Variants in HRC observed in about 807,000 individuals in gnomAD.
The protein encoded by HRC is histidine rich calcium binding protein.
In HRC, 41 loss-of-function variants were observed where a neutral mutation model predicts 61.4. The ratio of observed to expected loss-of-function variants is 0.67; its 90% CI spans 0.52 to 0.87. HRC has a LOEUF of 0.87. HRC is among the 40% of genes least tolerant of loss of function. The pLI is 0.00. For synonymous variants in HRC, 308 were observed against 326.6 expected, an observed-to-expected ratio of 0.94 and a Z score of 0.62; for missense variants, 839 against 885.8, an observed-to-expected ratio of 0.95 and a Z score of 0.67.
intron 4 of HRC, 176 bp downstream of exon 4, chr19:49,151,828 A>G: frequency 1.5e-6 from 1 of 678,992 alleles, no homozygotes; most frequent in Non-Finnish European, 2.6e-6. Context: ...GGCTCCAGCA[A>G]CTCCACCTGG....
Position 49,154,624 on chromosome 19 carries a change from G to C in HRC, c.614C>G (p.Ala205Gly). ...GGCCTGGTGTCCATACTCAGTGGAG[G>C]CCTCCTCTTCCTCCTCCTCCTCCTC... ...EEEEEEEEEE[A>G]STEYGHQAHR... The change falls in exon 1 of 6, where the codon GCC becomes GGC. Residue 205 changes from alanine to glycine, a missense_variant. Coordinates refer to ENST00000252825, the MANE Select transcript of HRC (RefSeq NM_002152.3). 1.3e-6 allele frequency: 2 copies of C among 1,594,452 alleles called. No homozygotes were observed. The highest frequency in any genetic ancestry group is 1.1e-5 in the South Asian group (1 of 89,780).
In HRC at chr19:49,154,308, G is replaced by T. The variant is rs200762319; in HGVS notation, c.930C>A (p.Val310=). ...HEEDDNDDDD[V]STEYGHQAHR... is the part of the protein sequence containing the mutation. ...GGGCCTGGTGTCCATACTCAGTGGA[G>T]ACATCATCATCATCATTGTCATCTT... The change falls in exon 1 of 6, where the codon GTC becomes GTA. Residue 310 remains valine (V), a synonymous_variant. Transcript: ENST00000252825. 3.1e-6 allele frequency: 5 copies of T among 1,613,222 alleles called. No individual in the cohort carries two copies. Among genetic ancestry groups the T allele is most frequent in the Non-Finnish European group, 4.2e-6 (5 of 1,179,734 alleles).
Position 49,154,126 on chromosome 19 carries a change from T to C in HRC, c.1112A>G (p.His371Arg). 1 of 1,614,180 alleles carries C rather than the reference T, an allele frequency of 6.2e-7. No homozygotes were observed. Among genetic ancestry groups the C allele is most frequent in the Non-Finnish European group, 8.5e-7 (1 of 1,180,028 alleles). The change falls in exon 1 of 6, where the codon CAT becomes CGT. Residue 371 changes from histidine (H) to arginine (R), a missense_variant. By Grantham distance (29) the His-to-Arg change is conservative (BLOSUM62 0). Transcript: ENST00000252825. The stretch of plus-strand genomic sequence containing the variant: ...TTCCTCTTCCTCATCTACAAGGCCA[T>C]GGTGGACATGTTGGGGACCCTGGTG... ...RWHQGPQHVH[H>R]GLVDEEEEEE...
chr19:49,155,024 T>C lies in HRC; in HGVS notation c.214A>G (p.Lys72Glu). The part of the protein sequence containing the change: ...HSPRDHPDEN[K>E]DVSTENGHHF... ...TGCCCATTCTCTGTGGAAACATCCT[T>C]GTTCTCATCTGGATGGTCTCTAGGG... is the stretch of plus-strand genomic sequence containing the variant. The change falls in exon 1 of 6, where the codon AAG becomes GAG. Residue 72 changes from lysine to glutamate, a missense_variant. Transcript: ENST00000252825. This position sits in a 1 kb window ranked among gnomAD's most constrained non-coding sequence, Gnocchi z 4.7. The C allele has an allele frequency of 6.2e-7, 1 of 1,614,186 alleles. No individual in the cohort carries two copies. Among genetic ancestry groups the C allele is most frequent in the South Asian group, 1.1e-5 (1 of 91,082 alleles).
At chr19:49,151,636 G>A in intron 4 of HRC, 83 bp from the exon 5 acceptor site, 2 of 1,202,012 alleles carry the variant, frequency 1.7e-6, no homozygotes, top group South Asian at 1.3e-5. Context: ...TGCGAGATTA[G>A]TGCTAGCTCC....
In HRC at chr19:49,152,371, G is replaced by A; in HGVS notation, c.1910C>T (p.Thr637Ile). The part of the protein sequence containing the change: ...CGYCSFCNRC[T>I]ECESCHCDEE... ...ATCACAGTGACAGCTCTCACATTCA[G>A]TGCATCGCTGGGGACCGGGGGAGCC... The change falls in exon 3 of 6, where the codon ACT (threonine) becomes ATT (isoleucine). Residue 637 changes from threonine to isoleucine, a missense_variant. By Grantham distance (89) the Thr-to-Ile change is moderately conservative. Coordinates refer to ENST00000252825, the MANE Select transcript of HRC (RefSeq NM_002152.3). 3 of 1,613,556 alleles carry A rather than the reference G, an allele frequency of 1.9e-6. No homozygotes were observed. Among genetic ancestry groups the A allele is most frequent in the Non-Finnish European group, 2.5e-6 (3 of 1,179,880 alleles).
Position 49,151,272 on chromosome 19 carries a change from C to A in HRC, c.*24G>T, listed in dbSNP as rs773970441. The A allele has an allele frequency of 5.2e-6, 8 of 1,541,824 alleles. No homozygotes were observed. Among genetic ancestry groups the A allele is most frequent in the Middle Eastern group, 1.7e-4 (1 of 5,946 alleles). ...GGTTGGAAGGCAGGGGGAGGTACAC[C>A]TGCGTCGCAGTCGAGCGACTGGGTC... On this transcript the variant is annotated 3_prime_UTR_variant, in exon 6 of 6. Coordinates refer to ENST00000252825, the MANE Select transcript of HRC (RefSeq NM_002152.3).
intron 4 of HRC, 189 bp downstream of exon 4, chr19:49,151,815 C>T (rs2041362233): frequency 1.5e-6 from 1 of 666,222 alleles, no homozygotes; most frequent in East Asian, 2.7e-5. Flanking sequence ...ATTTCTGTCC[C>T]TTGGCTCCAG....
rs1600364061 is a variant in HRC, at chr19:49,153,397, G to A, written c.1831+10C>T. 1 of 1,613,686 alleles carries A rather than the reference G, an allele frequency of 6.2e-7. No individual in the cohort carries two copies. Among genetic ancestry groups the A allele is most frequent in the Non-Finnish European group, 8.5e-7 (1 of 1,179,680 alleles). On this transcript the variant is annotated intron_variant, in intron 1 of 5. Coordinates refer to ENST00000252825, the MANE Select transcript of HRC (RefSeq NM_002152.3). This position sits in a 1 kb window ranked among gnomAD's most constrained non-coding sequence, Gnocchi z 4.8. ...GTTCCTTCCCACCCACACCAGCCCA[G>A]GCCACTTACCTGTGTCCTCACCGCT...
chr19:49,154,698 A>G lies in HRC; in HGVS notation c.540T>C (p.His180=), dbSNP rs1386078221. 1 of 1,613,546 alleles carries G rather than the reference A, an allele frequency of 6.2e-7. No homozygotes were observed. Among genetic ancestry groups the G allele is most frequent in the Admixed American group, 1.7e-5 (1 of 59,986 alleles). ...SSEHHHHILR[H]GHRGHDGEDD... ...CTTCCCCATCATGGCCTCGGTGTCC[A>G]TGCCTGAGGATATGATGGTGATGCT... Residue 180 remains histidine (H), a synonymous_variant, in exon 1 of 6, where the codon CAT becomes CAC. Coordinates refer to ENST00000252825, the MANE Select transcript of HRC (RefSeq NM_002152.3).
rs778194640 is a variant in HRC, at chr19:49,154,899, G to A, written c.339C>T (p.Val113=). The change falls in exon 1 of 6, where the codon GTC becomes GTT. Residue 113 remains valine (V), a synonymous_variant. Transcript: ENST00000252825. ...LPGHRSQDHK[V]GDEGVSGEEV... ...CCTCACCTGAGACACCCTCATCTCC[G>A]ACTTTGTGGTCTTGGGACCTGTGGC... 23 of 1,613,972 alleles carry A rather than the reference G, an allele frequency of 1.4e-5. No homozygotes were observed. In the Middle Eastern group the frequency reaches 8.2e-4, roughly 58 times the overall value.
In HRC at chr19:49,151,987, G is replaced by A; in HGVS notation, c.2026+17C>T. On this transcript the variant is annotated intron_variant, in intron 4 of 5. Transcript: ENST00000252825. ...GGCACCTTCCTCAGGTTTTTCCAGG[G>A]CCCCGCCCATGCTCACCTGGAGCGC... is the stretch of plus-strand genomic sequence containing the variant. The A allele has an allele frequency of 6.2e-7, 1 of 1,613,414 alleles. No individual in the cohort carries two copies. Among genetic ancestry groups the A allele is most frequent in the African/African-American group, 1.3e-5 (1 of 75,060 alleles).
Position 49,153,409 on chromosome 19 carries a change from G to C in HRC, c.1829C>G (p.Thr610Arg), listed in dbSNP as rs1281111137. The C allele has an allele frequency of 6.2e-7, 1 of 1,613,230 alleles. No individual in the cohort carries two copies. The highest frequency in any genetic ancestry group is 8.5e-7 in the Non-Finnish European group (1 of 1,179,372). ...ASSEEESGED[T>R]GPQDAQEYGN... is the part of the protein sequence containing the mutation. ...CCACACCAGCCCAGGCCACTTACCT[G>C]TGTCCTCACCGCTTTCCTCCTCGCT... The change falls in exon 1 of 6, where the codon ACA becomes AGA. Residue 610 changes from threonine to arginine, a missense_variant and splice_region_variant. Coordinates refer to ENST00000252825, the MANE Select transcript of HRC (RefSeq NM_002152.3). This position sits in a 1 kb window ranked among gnomAD's most constrained non-coding sequence, Gnocchi z 4.8.
In HRC at chr19:49,151,545, C is replaced by T; in HGVS notation, c.2035G>A (p.Val679Ile). 2 of 1,613,762 alleles carry T rather than the reference C, an allele frequency of 1.2e-6. No homozygotes were observed. The highest frequency in any genetic ancestry group is 1.7e-4 in the Middle Eastern group (1 of 5,744). ...CETVCAPGSYVDYFSSSLYQA... is the reference protein window; with the variant it reads ...CETVCAPGSYIDYFSSSLYQA... Reference sequence around the variant, plus strand: ...TAAAGGGACGAGGAGAAATAGTCAACGTAGCTTCCTGTGGGACAGCAGAGA... The same window carrying T: ...TAAAGGGACGAGGAGAAATAGTCAATGTAGCTTCCTGTGGGACAGCAGAGA... The change falls in exon 5 of 6, where the codon GTT (valine) becomes ATT (isoleucine). Residue 679 changes from valine to isoleucine, a missense_variant. Transcript: ENST00000252825.
rs1192633514 is a variant in HRC, at chr19:49,154,151, G to A, written c.1087C>T (p.His363Tyr). ...EDEDVSTERW[H>Y]QGPQHVHHGL... ...TGGTGGACATGTTGGGGACCCTGGT[G>A]CCAACGTTCAGTGGACACATCCTCA... is the stretch of plus-strand genomic sequence containing the variant. Residue 363 changes from histidine to tyrosine, a missense_variant, in exon 1 of 6, where the codon CAC (histidine) becomes TAC (tyrosine). By Grantham distance (83) the His-to-Tyr change is moderately conservative (BLOSUM62 2). Coordinates refer to ENST00000252825, the MANE Select transcript of HRC (RefSeq NM_002152.3). The A allele has an allele frequency of 1.2e-6, 2 of 1,613,954 alleles. No homozygotes were observed. Among genetic ancestry groups the A allele is most frequent in the Non-Finnish European group, 1.7e-6 (2 of 1,180,006 alleles).
At position 49,154,628 on chromosome 19, in the gene HRC, C is replaced by T. The variant is rs1304844492; in HGVS notation, c.610G>A (p.Glu204Lys). 6.3e-7 allele frequency: 1 copy of T among 1,595,758 alleles called. No homozygotes were observed. Among genetic ancestry groups the T allele is most frequent in the Non-Finnish European group, 8.6e-7 (1 of 1,168,254 alleles). ...EEEEEEEEEE[E>K]ASTEYGHQAH... Reference sequence around the variant, plus strand: ...TGGTGTCCATACTCAGTGGAGGCCTCCTCTTCCTCCTCCTCCTCCTCCTCC... The same window carrying T: ...TGGTGTCCATACTCAGTGGAGGCCTTCTCTTCCTCCTCCTCCTCCTCCTCC... Residue 204 changes from glutamate (E) to lysine (K), a missense_variant, in exon 1 of 6, where the codon GAG becomes AAG. By Grantham distance (56) the Glu-to-Lys change is moderately conservative. Transcript: ENST00000252825.
rs757516023 is a variant in HRC at position 49,153,392 on chromosome 19, G to A, written c.1831+15C>T. 1 of 1,613,238 alleles carries A rather than the reference G, an allele frequency of 6.2e-7. No homozygotes were observed. The highest frequency in any genetic ancestry group is 8.5e-7 in the Non-Finnish European group (1 of 1,179,274). On this transcript the variant is annotated intron_variant, in intron 1 of 5. Transcript: ENST00000252825. The surrounding 1 kb of genome is among the most constrained non-coding windows in gnomAD (Gnocchi z 4.8). ...ACTCGGTTCCTTCCCACCCACACCA[G>A]CCCAGGCCACTTACCTGTGTCCTCA...
Position 49,152,000 on chromosome 19 carries a change from T to C in HRC, c.2026+4A>G, listed in dbSNP as rs754017638. The stretch of plus-strand genomic sequence containing the variant: ...GGTTTTTCCAGGGCCCCGCCCATGC[T>C]CACCTGGAGCGCAGACCGTTTCGCA... On this transcript the variant is annotated splice_donor_region_variant and intron_variant, in intron 4 of 5. Coordinates refer to ENST00000252825, the MANE Select transcript of HRC (RefSeq NM_002152.3). 2.4e-5 allele frequency: 38 copies of C among 1,613,952 alleles called. No individual in the cohort carries two copies. The East Asian group carries it at 8.2e-4, about 35-fold the overall frequency.
Position 49,153,804 on chromosome 19 carries a change from C to T in HRC, c.1434G>A (p.Arg478=). The T allele has an allele frequency of 6.2e-7, 1 of 1,614,122 alleles. No homozygotes were observed. Residue 478 remains arginine, a synonymous_variant, in exon 1 of 6, where the codon AGG becomes AGA. Transcript: ENST00000252825. This position sits in a 1 kb window ranked among gnomAD's most constrained non-coding sequence, Gnocchi z 4.8. ...CCTTTTCCTCCTCAGAATCATCCTTCCTCAAATGGCTTCTATCCTTGACCA... is the reference window on the plus strand; with the variant it reads ...CCTTTTCCTCCTCAGAATCATCCTTTCTCAAATGGCTTCTATCCTTGACCA... ...HTVVKDRSHL[R]KDDSEEEKEK... is the part of the protein sequence containing the mutation.
Sources: allele counts gnomAD v4.1 joint callset, GRCh38; gene constraint gnomAD v4.1.1; non-coding constraint Gnocchi (gnomAD v3.1); transcripts MANE v1.5; gene names NCBI Gene and HGNC (gene_info 2026-07-23, HGNC 2026-07-21).